ZNF469: variants seen among roughly 807,000 people sequenced by gnomAD.
ZNF469 encodes the protein zinc finger protein 469.
A neutral mutation model predicts 1.0 loss-of-function variants in ZNF469; 1 was observed. The observed-to-expected ratio is 1.00, with a 90% confidence interval of 0.35 to 4.73. The LOEUF is 4.73. Among genes scored for constraint, ZNF469 ranks in the 30% most tolerant of loss-of-function variants. The pLI, the probability that ZNF469 is intolerant of heterozygous loss-of-function variation, is 0.16. For synonymous variants in ZNF469, 2,703 were observed against 2,363.4 expected, an observed-to-expected ratio of 1.14 and a Z score of -4.17; for missense variants, 6,100 against 5,356.3, an observed-to-expected ratio of 1.14 and a Z score of -4.33.
In ZNF469 at chr16:88,432,011, A is replaced by G. The variant is rs370153731; in HGVS notation, c.4541A>G (p.His1514Arg). ...GAAGTATCCCCGATGCTGCCTAGCC[A>G]TTTTCCTGATCTCTCGGGGGGAAAG... is the stretch of plus-strand genomic sequence containing the variant. ...LEEVSPMLPS[H>R]FPDLSGGKVL... Residue 1514 changes from histidine to arginine, a missense_variant, in exon 3 of 3, where the codon CAT becomes CGT. By Grantham distance (29) the His-to-Arg change is conservative. Transcript: ENST00000565624. 5 of 1,548,402 alleles carry G rather than the reference A, an allele frequency of 3.2e-6. No homozygotes were observed. The African/African-American group carries it at 6.9e-5, about 21-fold the overall frequency.
intron 1 of ZNF469, among the ~76,000 whole-genome samples, chr16:88,419,375 C>G (rs1380459021): frequency 1.3e-5 from 2 of 152,180 alleles, no homozygotes; most frequent in African/African-American, 2.4e-5. Context: ...ACCGGGAGAG[C>G]TCAGCACGGG....
intron 2 of ZNF469, among the ~76,000 whole-genome samples, chr16:88,425,803 G>A (rs1905673639): frequency 6.6e-6 from 1 of 152,248 alleles, no homozygotes; most frequent in Admixed American, 6.5e-5. Flanking sequence ...GGGACAGGAG[G>A]TACCTCAGTG....
At chr16:88,329,724 G>A in the ZNF469 span, among the ~76,000 whole-genome samples, 2 of 152,232 alleles carry the variant, frequency 1.3e-5, no homozygotes, top group African/African-American at 4.8e-5. Flanking sequence ...GAAAGGGGAC[G>A]GGGGTCAAGG....
chr16:88,329,864 G>A, the ZNF469 span, among the ~76,000 whole-genome samples: 1 of 152,210 alleles, frequency 6.6e-6, no homozygotes, highest in Admixed American at 6.5e-5. Flanking sequence ...AGCAGAGATG[G>A]CCTCAGCCCT....
chr16:88,125,609 T>C, the ZNF469 span, among the ~76,000 whole-genome samples: 1 of 152,222 alleles, frequency 6.6e-6, no homozygotes, highest in Non-Finnish European at 1.5e-5. Flanking sequence ...TTAATTTCTC[T>C]CAGTAGCATT....
At chr16:88,204,701 G>T in the ZNF469 span, among the ~76,000 whole-genome samples, 2 of 152,230 alleles carry the variant, frequency 1.3e-5, no homozygotes, top group African/African-American at 4.8e-5. Flanking sequence ...GGTCATTCCA[G>T]GATGGTCACA....
chr16:88,244,632 G>T, the ZNF469 span, among the ~76,000 whole-genome samples: 4 of 150,892 alleles, frequency 2.7e-5, no homozygotes, highest in Non-Finnish European at 5.9e-5. Context: ...TAAGTGAAAG[G>T]ATGGGTTAGT....
chr16:88,318,321 GC>G, the ZNF469 span, among the ~76,000 whole-genome samples: 1 of 152,180 alleles, frequency 6.6e-6, no homozygotes, highest in Non-Finnish European at 1.5e-5. Flanking sequence ...TTTTAGCCTG[GC>G]CCCCTCCAGC....
chr16:88,352,847 G>A, the ZNF469 span, among the ~76,000 whole-genome samples: 1 of 152,222 alleles, frequency 6.6e-6, no homozygotes, highest in Non-Finnish European at 1.5e-5. Flanking sequence ...CCTGCTGCAT[G>A]GGCCTGACCC....
the ZNF469 span, among the ~76,000 whole-genome samples, chr16:88,356,121 A>G: frequency 6.6e-6 from 1 of 152,018 alleles, no homozygotes; most frequent in African/African-American, 2.4e-5. Flanking sequence ...CTTCAGAACT[A>G]TGTGTGTACC....
the ZNF469 span, among the ~76,000 whole-genome samples, chr16:88,331,467 C>T: frequency 1.3e-4 from 19 of 149,684 alleles, no homozygotes. Flanking sequence ...ATCATCACTA[C>T]CACCATCATC....
At chr16:88,151,339 C>A in the ZNF469 span, among the ~76,000 whole-genome samples, 30 of 152,358 alleles carry the variant, frequency 2.0e-4, no homozygotes, top group South Asian at 4.1e-4. This position sits in a 1 kb window ranked among gnomAD's most constrained non-coding sequence, Gnocchi z 5.4. Flanking sequence ...CTGATGTGTT[C>A]GGTGACTCAG....
At chr16:88,356,695 C>A in the ZNF469 span, among the ~76,000 whole-genome samples, 1 of 152,206 alleles carries the variant, frequency 6.6e-6, no homozygotes, top group Non-Finnish European at 1.5e-5. Flanking sequence ...ACGGAGAAAA[C>A]CTCCAGCCAG....
the ZNF469 span, among the ~76,000 whole-genome samples, chr16:88,127,751 T>C: frequency 6.6e-6 from 1 of 152,036 alleles, no homozygotes. Flanking sequence ...AATTCTGTAT[T>C]TGAGATGAAG....
In ZNF469 at chr16:88,432,558, A is replaced by G. The variant is rs2142307346; in HGVS notation, c.5088A>G (p.Pro1696=). ...GGGGAGCCAACTTCCATTTTCAGCC[A>G]GTGCAGAAAGCCGGAGCCTCCAAGA... ...SPRGANFHFQ[P]VQKAGASKTG... is the part of the protein sequence containing the mutation. Residue 1696 remains proline (P), a synonymous_variant, in exon 3 of 3, where the codon CCA becomes CCG. Transcript: ENST00000565624. The G allele has an allele frequency of 1.9e-6, 3 of 1,550,410 alleles. 1 individual carries two copies. The South Asian group carries it at 3.6e-5, about 18-fold the overall frequency.
the ZNF469 span, among the ~76,000 whole-genome samples, chr16:88,126,188 CA>C: frequency 0.033 from 1,959 of 59,082 alleles, 18 homozygotes; most frequent in African/African-American, 0.11. Flanking sequence ...GACTCCATCC[CA>C]AAAAAAAAAA....
chr16:88,104,564 T>C, the ZNF469 span, among the ~76,000 whole-genome samples: 1 of 152,250 alleles, frequency 6.6e-6, no homozygotes, highest in Non-Finnish European at 1.5e-5. Flanking sequence ...TCCTGTCCCA[T>C]GCGTGGGTCA....
intron 1 of ZNF469, among the ~76,000 whole-genome samples, chr16:88,386,885 C>T (rs544227425): frequency 1.3e-5 from 2 of 152,216 alleles, no homozygotes; most frequent in Admixed American, 6.5e-5. Context: ...TTTCTTTGGC[C>T]ACTCCCTCCC....
the ZNF469 span, among the ~76,000 whole-genome samples, chr16:88,132,344 C>T: frequency 0.033 from 5,019 of 151,966 alleles, no homozygotes; most frequent in African/African-American, 0.11. Context: ...CGGTGACTGG[C>T]TGCCCAGAAG....
Sources: gnomAD v4.1 joint callset for allele counts (sites outside exome capture counted in the v4.1 genomes callset) on GRCh38, gnomAD v4.1.1 for gene constraint, Gnocchi (gnomAD v3.1) non-coding constraint, MANE v1.5 for transcripts, NCBI Gene and HGNC (gene_info 2026-07-23, HGNC 2026-07-21) for gene names.